The following MND1 variants were observed in gnomAD, a reference collection of about 807,000 sequenced individuals.
MND1 encodes the protein meiotic nuclear division protein 1 homolog.
In MND1, 28 loss-of-function variants were observed where a neutral mutation model predicts 35.1. The ratio of observed to expected loss-of-function variants is 0.80; its 90% confidence interval spans 0.59 to 1.09. The LOEUF (loss-of-function observed/expected upper bound fraction) is 1.09. Among genes scored for constraint, MND1 ranks in the 50% least tolerant of loss-of-function variants. The probability of loss-of-function intolerance (pLI) is 0.00; values close to 1 mark genes in which losing one functional copy is unlikely to be tolerated. For missense variants in MND1, 213 were observed against 239.6 expected (o/e 0.89, Z 0.73); for synonymous variants, 69 against 70.5 (o/e 0.98, Z 0.11).
At chr4:153,390,919 A>ATGTATGTGTGTG (rs1554012262) in intron 4 of MND1, among the ~76,000 whole-genome samples, 53 of 124,758 alleles carry the variant, frequency 4.2e-4, no homozygotes, top group South Asian at 4.1e-3. Flanking sequence ...GTGTGTGTAT[A>ATGTATGTGTGTG]TGTGTGTGTG....
intron 4 of MND1, among the ~76,000 whole-genome samples, chr4:153,377,362 G>A (rs775147823): frequency 3.2e-4 from 49 of 152,156 alleles, no homozygotes; most frequent in Non-Finnish European, 6.2e-4. Context: ...TGCATCAAGA[G>A]TAGGTTAATT....
chr4:153,354,775 T>C lies in MND1; in HGVS notation c.70-879T>C, dbSNP rs570867888. 2.0e-5 allele frequency among the ~76,000 whole-genome samples: 3 copies of C among 152,310 alleles called. No individual in the cohort carries two copies. In the East Asian group the frequency reaches 5.8e-4, roughly 29 times the overall value. On this transcript the variant is annotated intron_variant, in intron 2 of 7. Coordinates refer to ENST00000240488, the MANE Select transcript of MND1 (RefSeq NM_032117.4). ...CAGTCCTCCCAAAGTGGTGGGATTA[T>C]AGACAGGAGACACCATGACTGGCCT...
At chr4:153,409,973 C>T (rs1414450810) in intron 7 of MND1, among the ~76,000 whole-genome samples, 1 of 152,120 alleles carries the variant, frequency 6.6e-6, no homozygotes, top group African/African-American at 2.4e-5. Flanking sequence ...AGGCTCAGCA[C>T]ACAGTAGGCA....
chr4:153,387,118 G>T (rs1165889779), intron 4 of MND1, among the ~76,000 whole-genome samples: 1 of 152,196 alleles, frequency 6.6e-6, no homozygotes, highest in Admixed American at 6.5e-5. Context: ...ACAACACAGA[G>T]ATAACCATTG....
At chr4:153,384,244 A>G (rs1018635129) in intron 4 of MND1, among the ~76,000 whole-genome samples, 1 of 75,846 alleles carries the variant, frequency 1.3e-5, no homozygotes, top group African/African-American at 4.9e-5. Flanking sequence ...CCATATTTCC[A>G]TTTCTACTTT....
chr4:153,394,636 A>G (rs1407547878), intron 5 of MND1, among the ~76,000 whole-genome samples: 2 of 152,138 alleles, frequency 1.3e-5, no homozygotes, highest in East Asian at 1.9e-4. Context: ...AATCTGTTAT[A>G]CTTCATTGCG....
chr4:153,369,510 T>C (rs1307715556), intron 4 of MND1, among the ~76,000 whole-genome samples: 1 of 152,252 alleles, frequency 6.6e-6, no homozygotes, highest in East Asian at 1.9e-4. Flanking sequence ...GTTATATTTA[T>C]ACTATACTGT....
chr4:153,354,183 G>A (rs13112925), intron 2 of MND1, among the ~76,000 whole-genome samples: 33,438 of 151,576 alleles, frequency 0.22, 4,068 homozygotes, highest in African/African-American at 0.31. Context: ...TATTCTACAC[G>A]CATATTTTCC....
intron 6 of MND1, among the ~76,000 whole-genome samples, chr4:153,405,431 G>T (rs912193498): frequency 6.6e-6 from 1 of 152,016 alleles, no homozygotes; most frequent in African/African-American, 2.4e-5. Flanking sequence ...AGCTACTTGG[G>T]AGGCTGAGGC....
At chr4:153,396,491 C>T (rs1283540285) in intron 5 of MND1, among the ~76,000 whole-genome samples, 1 of 152,172 alleles carries the variant, frequency 6.6e-6, no homozygotes, top group African/African-American at 2.4e-5. Flanking sequence ...GATTTTGCCT[C>T]GGATTTATCC....
At chr4:153,391,062 T>G (rs1729019766) in intron 4 of MND1, among the ~76,000 whole-genome samples, 1 of 133,624 alleles carries the variant, frequency 7.5e-6, no homozygotes, top group African/African-American at 3.3e-5. Flanking sequence ...AAATATGTAT[T>G]TTTTTAATTG....
At chr4:153,412,433 C>T (rs966157847) in intron 7 of MND1, among the ~76,000 whole-genome samples, 1 of 151,706 alleles carries the variant, frequency 6.6e-6, no homozygotes, top group Admixed American at 6.6e-5. Flanking sequence ...TCTTCCTTCT[C>T]CCTGTGTCCT....
chr4:153,355,201 A>G (rs1291095011), intron 2 of MND1, among the ~76,000 whole-genome samples: 1 of 152,150 alleles, frequency 6.6e-6, no homozygotes, highest in Admixed American at 6.5e-5. Context: ...TTGTAAATGT[A>G]TGCAAAAATC....
chr4:153,384,219 C>T (rs1176405477), intron 4 of MND1, among the ~76,000 whole-genome samples: 2 of 147,340 alleles, frequency 1.4e-5, no homozygotes, highest in African/African-American at 5.0e-5. Context: ...TTAAAATCTG[C>T]CTGCTTTTTT....
chr4:153,400,844 C>T (rs1412021191), intron 6 of MND1, among the ~76,000 whole-genome samples: 1 of 152,046 alleles, frequency 6.6e-6, no homozygotes, highest in Non-Finnish European at 1.5e-5. Context: ...AAAATTGACC[C>T]AGAAATTAGG....
chr4:153,372,295 G>A (rs540066142), intron 4 of MND1, among the ~76,000 whole-genome samples: 1 of 151,938 alleles, frequency 6.6e-6, no homozygotes, highest in South Asian at 2.1e-4. Context: ...GCTATCTGAA[G>A]TGCAGTAAAG....
intron 6 of MND1, among the ~76,000 whole-genome samples, chr4:153,398,790 G>T (rs189225396): frequency 6.6e-6 from 1 of 152,282 alleles, no homozygotes; most frequent in Admixed American, 6.5e-5. Context: ...TTAATCTGTT[G>T]GAAAGTTTTA....
chr4:153,370,296 T>C (rs1011793928), intron 4 of MND1, among the ~76,000 whole-genome samples: 1 of 151,622 alleles, frequency 6.6e-6, no homozygotes, highest in Admixed American at 6.6e-5. Context: ...AAAGAAGCAA[T>C]TTCTCATCCA....
chr4:153,380,403 C>T (rs1728643707), intron 4 of MND1, among the ~76,000 whole-genome samples: 1 of 152,200 alleles, frequency 6.6e-6, no homozygotes, highest in African/African-American at 2.4e-5. Context: ...GAAAGATGAA[C>T]TGTCTTCTTG....
Sources: gnomAD v4.1 joint callset for allele counts (sites outside exome capture counted in the v4.1 genomes callset) on GRCh38, gnomAD v4.1.1 for gene constraint, MANE v1.5 for transcripts, NCBI Gene and HGNC (gene_info 2026-07-23, HGNC 2026-07-21) for gene names.